The following ANTXR1 variants were observed in gnomAD, a reference collection of about 807,000 sequenced individuals.
The protein encoded by ANTXR1 is anthrax toxin receptor 1.
A neutral mutation model predicts 78.1 loss-of-function variants in ANTXR1; 19 were observed. The ratio of observed to expected loss-of-function variants is 0.24; its 90% CI spans 0.17 to 0.36. The LOEUF is 0.36. Ranked by LOEUF, ANTXR1 falls within the 10% of genes least tolerant of loss-of-function variation. The pLI, the probability that ANTXR1 is intolerant of heterozygous loss-of-function variation, is 1.00. For missense variants in ANTXR1, 518 were observed against 718.6 expected (o/e 0.72, Z 3.19); for synonymous variants, 273 against 260.5 (o/e 1.05, Z -0.46).
At chr2:69,209,709 G>A (rs1466610536) in intron 17 of ANTXR1, among the ~76,000 whole-genome samples, 2 of 152,268 alleles carry the variant, frequency 1.3e-5, no homozygotes, top group African/African-American at 4.8e-5. Flanking sequence ...CAGGCACAAG[G>A]CCTGCAAGGC....
intron 17 of ANTXR1, among the ~76,000 whole-genome samples, chr2:69,212,385 G>A (rs1380578439): frequency 6.6e-6 from 1 of 152,120 alleles, no homozygotes; most frequent in Non-Finnish European, 1.5e-5. Flanking sequence ...GATCCATGAG[G>A]TTCTGCGTAT....
intron 17 of ANTXR1, among the ~76,000 whole-genome samples, chr2:69,234,777 A>T (rs1255671398): frequency 3.9e-5 from 6 of 152,088 alleles, no homozygotes; most frequent in African/African-American, 9.7e-5. Context: ...AATTTAAAAA[A>T]TTTATTATTT....
chr2:69,043,864 A>G (rs1669680256), intron 2 of ANTXR1, among the ~76,000 whole-genome samples: 1 of 152,204 alleles, frequency 6.6e-6, no homozygotes, highest in Non-Finnish European at 1.5e-5. Flanking sequence ...GAAGTGAGGC[A>G]GGTTTGAGAA....
intron 17 of ANTXR1, among the ~76,000 whole-genome samples, chr2:69,241,465 C>A (rs888201634): frequency 6.6e-6 from 1 of 152,136 alleles, no homozygotes. Flanking sequence ...TTTATTGATG[C>A]CGAGTCTGCA....
chr2:69,098,694 G>A (rs1052703373), intron 9 of ANTXR1, among the ~76,000 whole-genome samples: 18 of 152,034 alleles, frequency 1.2e-4, no homozygotes, highest in Admixed American at 8.5e-4. Flanking sequence ...CTTTTAAAAG[G>A]TACAATTCAG....
At chr2:69,218,660 G>C in intron 17 of ANTXR1, among the ~76,000 whole-genome samples, 1 of 152,154 alleles carries the variant, frequency 6.6e-6, no homozygotes, top group East Asian at 1.9e-4. Context: ...TTCTAGGAGG[G>C]GTAGTACTTC....
chr2:69,235,673 A>G (rs1262516557), intron 17 of ANTXR1, among the ~76,000 whole-genome samples: 2 of 146,242 alleles, frequency 1.4e-5, no homozygotes, highest in South Asian at 4.3e-4. Context: ...AAAAAAAAAA[A>G]GAATAGACTC....
intron 17 of ANTXR1, among the ~76,000 whole-genome samples, chr2:69,225,572 AC>A (rs1362574296): frequency 3.9e-5 from 6 of 152,182 alleles, no homozygotes; most frequent in African/African-American, 1.4e-4. Flanking sequence ...GGAAGAAGAC[AC>A]CTCAAGGCAG....
rs752678238 is a variant in ANTXR1 at position 69,013,489 on chromosome 2, G to A, written c.-11G>A. ...GAAGGAGCGGACCCTGCTCTCCCCGGGCTGCGGGCCATGGCCACGGCGGAG... is the reference window on the plus strand; with the variant it reads ...GAAGGAGCGGACCCTGCTCTCCCCGAGCTGCGGGCCATGGCCACGGCGGAG... On this transcript the variant is annotated 5_prime_UTR_variant, in exon 1 of 18. Transcript: ENST00000303714. The surrounding 1 kb of genome is among the most constrained non-coding windows in gnomAD (Gnocchi z 5.0). 1.6e-5 allele frequency: 26 copies of A among 1,587,450 alleles called. No individual in the cohort carries two copies. The highest frequency in any genetic ancestry group is 2.1e-5 in the Non-Finnish European group (24 of 1,169,354).
chr2:69,050,001 C>T (rs548350428), intron 3 of ANTXR1, among the ~76,000 whole-genome samples: 30 of 152,160 alleles, frequency 2.0e-4, no homozygotes, highest in Middle Eastern at 6.8e-3. Context: ...AAATCAAAAG[C>T]TCTCCTAATG....
At chr2:69,190,260 C>T (rs918322608) in intron 16 of ANTXR1, among the ~76,000 whole-genome samples, 29 of 152,136 alleles carry the variant, frequency 1.9e-4, no homozygotes, top group African/African-American at 5.1e-4. Context: ...ATTTGGCAGT[C>T]GGGATGCCGT....
At chr2:69,041,713 C>T (rs1394007369) in intron 2 of ANTXR1, among the ~76,000 whole-genome samples, 1 of 152,226 alleles carries the variant, frequency 6.6e-6, no homozygotes, top group East Asian at 1.9e-4. Flanking sequence ...ATCCCAGACT[C>T]TTCACTATCT....
chr2:69,122,923 C>A, intron 10 of ANTXR1, 94 bp from the exon 11 acceptor site: 1 of 1,366,944 alleles, frequency 7.3e-7, no homozygotes, highest in Non-Finnish European at 1.0e-6. Flanking sequence ...TTTTTGGTAT[C>A]TCCCTGGACT....
At chr2:69,123,226 A>G (rs1672411470) in intron 11 of ANTXR1, 140 bp downstream of exon 11, 5 of 866,508 alleles carry the variant, frequency 5.8e-6, no homozygotes, top group African/African-American at 3.3e-5. Flanking sequence ...CAGTGTTTAC[A>G]GTGACCCAGA....
In ANTXR1 at chr2:69,245,392, G is replaced by A. The variant is rs375270757; in HGVS notation, c.1602G>A (p.Pro534=). 47 of 873,672 alleles carry A rather than the reference G, an allele frequency of 5.4e-5. No homozygotes were observed. The highest frequency in any genetic ancestry group is 2.4e-4 in the African/African-American group (8 of 33,448). The allele number at this position is 873,672 out of a possible 1,614,324, so 54.1% of individuals were successfully genotyped here. A position where few individuals can be genotyped will look rare whatever the true frequency, so the allele number is the denominator to read the frequency against. ...PPPSAPTPPI[P]SPPSTLPPPP... is the part of the protein sequence containing the mutation. ...CCAGCGCCCCTACCCCTCCCATCCC[G>A]TCCCCACCTTCCACCCTTCCCCCTC... The change falls in exon 18 of 18, where the codon CCG becomes CCA. Residue 534 remains proline, a synonymous_variant. Transcript: ENST00000303714.
chr2:69,203,983 C>A (rs1674835265), intron 17 of ANTXR1, among the ~76,000 whole-genome samples: 1 of 152,090 alleles, frequency 6.6e-6, no homozygotes, highest in African/African-American at 2.4e-5. Flanking sequence ...CCCTTCCAAA[C>A]AAAATCAGGA....
chr2:69,142,838 G>A (rs1312337341), intron 12 of ANTXR1, among the ~76,000 whole-genome samples: 1 of 152,144 alleles, frequency 6.6e-6, no homozygotes, highest in Non-Finnish European at 1.5e-5. Flanking sequence ...GGGAGGGGGA[G>A]GTGCTGGAGA....
At chr2:69,157,506 T>G (rs1282770550) in intron 13 of ANTXR1, among the ~76,000 whole-genome samples, 2 of 151,980 alleles carry the variant, frequency 1.3e-5, no homozygotes, top group Admixed American at 6.5e-5. Flanking sequence ...AAACCTGCTC[T>G]TCATCAATGG....
At chr2:69,148,564 A>G (rs187547966) in intron 12 of ANTXR1, among the ~76,000 whole-genome samples, 46 of 152,332 alleles carry the variant, frequency 3.0e-4, no homozygotes, top group African/African-American at 1.1e-3. Context: ...GAGAAAGAGA[A>G]TATTATTGAA....
Sources: allele counts gnomAD v4.1 joint callset (sites outside exome capture counted in the v4.1 genomes callset), GRCh38; gene constraint gnomAD v4.1.1; non-coding constraint Gnocchi (gnomAD v3.1); transcripts MANE v1.5; gene names NCBI Gene and HGNC (gene_info 2026-07-23, HGNC 2026-07-21).